ENKUR: variants seen among roughly 807,000 people sequenced by gnomAD.
The protein encoded by ENKUR is enkurin.
A neutral mutation model predicts 27.6 loss-of-function variants in ENKUR; 19 were observed. The observed-to-expected ratio is 0.69, with a 90% CI of 0.48 to 1.01. ENKUR has a LOEUF of 1.01. Ranked by LOEUF, ENKUR falls within the 50% of genes least tolerant of loss-of-function variation. The pLI is 0.00. For missense variants in ENKUR, 312 were observed against 310.5 expected (o/e 1.00, Z -0.04); for synonymous variants, 117 against 96.9 (o/e 1.21, Z -1.22).
chr10:25,019,460 T>G (rs1007530560), upstream of ENKUR, among the ~76,000 whole-genome samples: 1 of 151,984 alleles, frequency 6.6e-6, no homozygotes. Flanking sequence ...GGCAACAGAG[T>G]GGGAGCCTGT....
At chr10:25,028,216 C>A (rs1016831282) in intron 2 of ENKUR, among the ~76,000 whole-genome samples, 1 of 152,144 alleles carries the variant, frequency 6.6e-6, no homozygotes, top group Admixed American at 6.5e-5. Context: ...TTCTTACTGG[C>A]CAAAATAGTT....
At chr10:25,051,222 C>T (rs1851183763) in intron 2 of ENKUR, among the ~76,000 whole-genome samples, 1 of 152,194 alleles carries the variant, frequency 6.6e-6, no homozygotes, top group South Asian at 2.1e-4. Context: ...CCTCTTCTTG[C>T]TTCCAGTTTA....
chr10:25,054,659 G>A (rs1288526973), intron 2 of ENKUR, among the ~76,000 whole-genome samples: 4 of 147,420 alleles, frequency 2.7e-5, no homozygotes, highest in African/African-American at 7.5e-5. Context: ...TAATTCCATA[G>A]CATTTCTATG....
chr10:25,033,823 G>C (rs12359313), intron 2 of ENKUR, among the ~76,000 whole-genome samples: 6 of 125,806 alleles, frequency 4.8e-5, no homozygotes, highest in Non-Finnish European at 6.7e-5. Flanking sequence ...GTGTGTGTGT[G>C]TGTCTATCTA....
intron 1 of ENKUR, among the ~76,000 whole-genome samples, chr10:25,004,634 GT>G (rs1445618582): frequency 1.3e-5 from 2 of 152,080 alleles, no homozygotes; most frequent in East Asian, 1.9e-4. Context: ...TTGTAAATTT[GT>G]TTAAGTTTCT....
intron 2 of ENKUR, among the ~76,000 whole-genome samples, chr10:25,043,953 C>T (rs1375122845): frequency 6.7e-6 from 1 of 149,526 alleles, no homozygotes; most frequent in Non-Finnish European, 1.5e-5. Context: ...TCCCACATTC[C>T]TTGAATATCC....
chr10:25,015,761 A>T (rs1295063127), intron 1 of ENKUR, 99 bp downstream of exon 1: 1 of 1,133,176 alleles, frequency 8.8e-7, no homozygotes. Flanking sequence ...GCAAAAATAC[A>T]TTTTATTTAT....
At chr10:25,055,520 A>C (rs751161182) in intron 2 of ENKUR, among the ~76,000 whole-genome samples, 1 of 145,922 alleles carries the variant, frequency 6.9e-6, no homozygotes, top group Non-Finnish European at 1.5e-5. Flanking sequence ...ATTCTCATAC[A>C]TCATTCAGGG....
At chr10:25,023,531 T>G in intron 2 of ENKUR, 1 of 1,614,160 alleles carries the variant, frequency 6.2e-7, no homozygotes, top group African/African-American at 1.3e-5. Flanking sequence ...TCTGAAAAAT[T>G]ACAGGATGTT....
intron 1 of ENKUR, among the ~76,000 whole-genome samples, chr10:25,012,551 G>A (rs1293064542): frequency 6.6e-6 from 1 of 152,206 alleles, no homozygotes; most frequent in Non-Finnish European, 1.5e-5. Context: ...TGGAGTCAAA[G>A]GAGATCATTT....
rs766823363 is a variant in ENKUR at position 25,023,916 on chromosome 10, C to T, written c.38-28047G>A. 4.3e-6 allele frequency: 7 copies of T among 1,614,154 alleles called. No individual in the cohort carries two copies. The Middle Eastern group carries it at 8.2e-4, about 190-fold the overall frequency. ...ACCAAGATGTGGACTCGGAAACATT[C>T]ATTTCAACAAGACACGTTTGGCCTG... On this transcript the variant is annotated intron_variant, in intron 2 of 5. Transcript: ENST00000615958.
At chr10:25,012,889 A>G (rs1232436694) in intron 1 of ENKUR, among the ~76,000 whole-genome samples, 1 of 152,144 alleles carries the variant, frequency 6.6e-6, no homozygotes, top group Non-Finnish European at 1.5e-5. Flanking sequence ...GTAGAATGAT[A>G]TGGTTTGGCT....
chr10:25,037,516 C>A (rs1851021239), intron 2 of ENKUR, among the ~76,000 whole-genome samples: 1 of 152,078 alleles, frequency 6.6e-6, no homozygotes, highest in African/African-American at 2.4e-5. Context: ...CCCATTGCAT[C>A]TTAAAATAAA....
chr10:25,013,463 C>T (rs866646001), intron 1 of ENKUR, among the ~76,000 whole-genome samples: 11 of 152,216 alleles, frequency 7.2e-5, no homozygotes, highest in Middle Eastern at 3.4e-3. Flanking sequence ...TTAGTGTGAG[C>T]CAATAGTTGG....
At chr10:25,057,425 ACAC>A (rs1564359456) in intron 2 of ENKUR, among the ~76,000 whole-genome samples, 2,925 of 140,712 alleles carry the variant, frequency 0.021, 109 homozygotes, top group African/African-American at 0.075. Flanking sequence ...ACACACACAC[ACAC>A]AATGCCCTTA....
upstream of ENKUR, among the ~76,000 whole-genome samples, chr10:25,017,212 G>A (rs995557950): frequency 2.6e-5 from 4 of 152,154 alleles, no homozygotes; most frequent in African/African-American, 9.7e-5. Context: ...TCCAGTTTTT[G>A]GTGTCCCTTG....
At chr10:25,032,312 G>GA (rs60251099) in intron 2 of ENKUR, among the ~76,000 whole-genome samples, 3,464 of 139,082 alleles carry the variant, frequency 0.025, 182 homozygotes, top group African/African-American at 0.09. Flanking sequence ...TCAGAGTAAA[G>GA]AAGGGGGGGG....
upstream of ENKUR, among the ~76,000 whole-genome samples, chr10:25,020,939 G>A (rs1392991399): frequency 6.6e-6 from 1 of 152,168 alleles, no homozygotes; most frequent in Admixed American, 6.5e-5. Context: ...TGCTTTTAAA[G>A]TCCAGTACCA....
In ENKUR at chr10:25,016,073, C is replaced by A. The variant is rs1225539469; in HGVS notation, c.-137G>T. 1.4e-6 allele frequency: 2 copies of A among 1,401,210 alleles called. No homozygotes were observed. The highest frequency in any genetic ancestry group is 1.9e-6 in the Non-Finnish European group (2 of 1,073,474). 86.8% of individuals were successfully genotyped at this position (1,401,210 alleles called of 1,614,324 possible). ...GGACCACAGGTTCTCTCCTTCACAT[C>A]GTCCCCCTTTAACCCCCTCTTAGCA... On this transcript the variant is annotated 5_prime_UTR_variant, in exon 1 of 6. Transcript: ENST00000331161.
Sources: allele counts gnomAD v4.1 joint callset (sites outside exome capture counted in the v4.1 genomes callset), GRCh38; gene constraint gnomAD v4.1.1; transcripts MANE v1.5; gene names NCBI Gene and HGNC (gene_info 2026-07-23, HGNC 2026-07-21).